Variants in SMAD2 observed in about 807,000 individuals in gnomAD.
SMAD2 encodes the protein MAD homolog 2.
In SMAD2, 8 loss-of-function variants were observed where a neutral mutation model predicts 64.4. The ratio of observed to expected loss-of-function variants is 0.12; its 90% confidence interval spans 0.07 to 0.22. The LOEUF (loss-of-function observed/expected upper bound fraction) is 0.22. SMAD2 is among the 10% of genes least tolerant of loss of function. The probability of loss-of-function intolerance (pLI) is 1.00; values close to 1 mark genes in which losing one functional copy is unlikely to be tolerated. For missense variants in SMAD2, 289 were observed against 561.2 expected, an observed-to-expected ratio of 0.51 and a Z score of 4.90; for synonymous variants, 203 against 195.8, an observed-to-expected ratio of 1.04 and a Z score of -0.31.
At chr18:47,862,993 AAAAAAAG>A in intron 6 of SMAD2, among the ~76,000 whole-genome samples, 1 of 152,272 alleles carries the variant, frequency 6.6e-6, no homozygotes, top group South Asian at 2.1e-4. Flanking sequence ...TAAATCAAAA[AAAAAAAG>A]AAAAAAGTAA....
At chr18:47,919,081 C>T (rs2034450748) in intron 1 of SMAD2, among the ~76,000 whole-genome samples, 1 of 151,776 alleles carries the variant, frequency 6.6e-6, no homozygotes, top group Admixed American at 6.6e-5. Context: ...CTTAAAGTTT[C>T]CAAGGAGGAA....
Position 47,834,771 on chromosome 18 carries a change from T to A in SMAD2, c.*7056A>T, listed in dbSNP as rs1913253984. 1 of 221,026 alleles carries A rather than the reference T, an allele frequency of 4.5e-6. No individual in the cohort carries two copies. The highest frequency in any genetic ancestry group is 5.8e-5 in the Admixed American group (1 of 17,306). The allele number at this position is 221,026 out of a possible 1,614,324, so 13.7% of individuals were successfully genotyped here. The stretch of plus-strand genomic sequence containing the variant: ...AAAGGTTCTTCTAGCTTTGTCCAGT[T>A]ATATGGTATTTTACTGTATTCTCTT... On this transcript the variant is annotated 3_prime_UTR_variant, in exon 11 of 11. Coordinates refer to ENST00000262160, the MANE Select transcript of SMAD2 (RefSeq NM_005901.6).
chr18:47,848,180 C>T (rs779516221), intron 8 of SMAD2, among the ~76,000 whole-genome samples: 2 of 152,116 alleles, frequency 1.3e-5, no homozygotes, highest in South Asian at 4.1e-4. Flanking sequence ...CAAATCTGAA[C>T]ATGGCAATTT....
At chr18:47,910,893 G>A (rs2034100565) in intron 1 of SMAD2, among the ~76,000 whole-genome samples, 1 of 151,972 alleles carries the variant, frequency 6.6e-6, no homozygotes, top group Admixed American at 6.6e-5. Flanking sequence ...CACTGTGCAG[G>A]ACAGCACCCC....
intron 1 of SMAD2, among the ~76,000 whole-genome samples, chr18:47,918,974 T>C (rs1363438800): frequency 1.3e-5 from 2 of 151,882 alleles, no homozygotes; most frequent in Non-Finnish European, 1.5e-5. Flanking sequence ...AGTTTCTAGA[T>C]GGAAAGGGCC....
chr18:47,847,390 A>C (rs895820155), intron 8 of SMAD2, among the ~76,000 whole-genome samples: 1 of 152,098 alleles, frequency 6.6e-6, no homozygotes, highest in African/African-American at 2.4e-5. Flanking sequence ...AAACAGAAGC[A>C]AACTACTGTT....
chr18:47,919,000 A>G (rs185835172), intron 1 of SMAD2, among the ~76,000 whole-genome samples: 81 of 152,276 alleles, frequency 5.3e-4, no homozygotes, highest in South Asian at 3.5e-3. Context: ...AGACCCCAGT[A>G]AAACAGATGA....
Position 47,921,679 on chromosome 18 carries a change from C to T in SMAD2, c.-54+8682G>A, listed in dbSNP as rs62088122. On this transcript the variant is annotated intron_variant, in intron 1 of 10. Coordinates refer to ENST00000262160, the MANE Select transcript of SMAD2 (RefSeq NM_005901.6). ...TTTTAAGCACACAGTTCCCACAGTT[C>T]TGTCTCCTTTCATTGAATGGCATTA... 3.4e-3 allele frequency among the ~76,000 whole-genome samples: 510 copies of T among 152,234 alleles called. 2 individuals are homozygous for T. Among genetic ancestry groups the T allele is most frequent in the Non-Finnish European group, 5.8e-3 (395 of 68,008 alleles).
At chr18:47,844,821 G>A (rs577891889) in intron 10 of SMAD2, 233 of 177,318 alleles carry the variant, frequency 1.3e-3, no homozygotes, top group African/African-American at 5.4e-3. Context: ...ACATTAGCAA[G>A]TATTCCTTCT....
At chr18:47,905,385 T>C (rs550157447) in intron 1 of SMAD2, among the ~76,000 whole-genome samples, 2 of 152,186 alleles carry the variant, frequency 1.3e-5, no homozygotes, top group East Asian at 1.9e-4. Flanking sequence ...ATTTGATATA[T>C]GGATTCAATG....
intron 2 of SMAD2, among the ~76,000 whole-genome samples, chr18:47,883,385 T>C (rs941671448): frequency 3.3e-5 from 5 of 152,238 alleles, no homozygotes; most frequent in Admixed American, 1.3e-4. Context: ...TTAAAATTGA[T>C]TGAGACTTGT....
At chr18:47,877,838 AAAAG>A (rs1438296907) in intron 2 of SMAD2, among the ~76,000 whole-genome samples, 2 of 152,214 alleles carry the variant, frequency 1.3e-5, no homozygotes, top group African/African-American at 2.4e-5. Flanking sequence ...TTGAAAATAT[AAAAG>A]AAATATATTA....
Position 47,815,445 on chromosome 18 carries a change from A to C in SMAD2, c.*26382T>G, listed in dbSNP as rs570195100. On this transcript the variant is annotated 3_prime_UTR_variant, in exon 11 of 11. Transcript: ENST00000262160. ...AGCAGAGGTTTAAGTCCTGGCTGAT[A>C]ATCATTTTGGGTTTTCTGAAAATGC... The C allele has an allele frequency of 1.3e-5, 2 of 152,330 alleles. 1 individual carries two copies. The highest frequency in any genetic ancestry group is 4.1e-4 in the South Asian group (2 of 4,824). 9.4% of individuals were successfully genotyped at this position (152,330 alleles called of 1,614,324 possible).
chr18:47,925,416 C>G (rs567378158), intron 1 of SMAD2, among the ~76,000 whole-genome samples: 2 of 152,314 alleles, frequency 1.3e-5, no homozygotes, highest in South Asian at 4.1e-4. Flanking sequence ...TCACACTGTA[C>G]AATGTGAGGC....
chr18:47,842,888 G>A (rs546323527), intron 10 of SMAD2, among the ~76,000 whole-genome samples: 2 of 152,270 alleles, frequency 1.3e-5, no homozygotes, highest in East Asian at 3.9e-4. Flanking sequence ...TCCATGCGCT[G>A]ATTTTAGTTC....
Position 47,821,523 on chromosome 18 carries a change from AACAT to A in SMAD2, c.*20300_*20303del, listed in dbSNP as rs1227761223. ...TTTCCAAGAGCCATGTATTCTGTTC[AACAT>A]ACTAGCTTTCTTATTTACATTCCTC... On this transcript the variant is annotated 3_prime_UTR_variant, in exon 11 of 11. Transcript: ENST00000262160. 6.6e-6 allele frequency: 1 copy of A among 152,240 alleles called. No individual in the cohort carries two copies. 9.4% of individuals were successfully genotyped at this position (152,240 alleles called of 1,614,324 possible). A position where few individuals can be genotyped will look rare whatever the true frequency, so the allele number is the denominator to read the frequency against.
chr18:47,818,465 CAAT>C lies in SMAD2; in HGVS notation c.*23359_*23361del, dbSNP rs1345676407. 6.6e-6 allele frequency: 1 copy of C among 152,056 alleles called. No homozygotes were observed. Among genetic ancestry groups the C allele is most frequent in the African/African-American group, 2.4e-5 (1 of 41,396 alleles). 9.4% of individuals were successfully genotyped at this position (152,056 alleles called of 1,614,324 possible). ...ACAGGTCAAAATCTTGAGCTCAGGGCAATAATATAAGGTATCTCTGGTATAGCA... is the reference window on the plus strand; with the variant it reads ...ACAGGTCAAAATCTTGAGCTCAGGGCAATATAAGGTATCTCTGGTATAGCA... On this transcript the variant is annotated 3_prime_UTR_variant, in exon 11 of 11. Transcript: ENST00000262160.
chr18:47,888,094 A>T lies in SMAD2; in HGVS notation c.236+8427T>A, dbSNP rs1466057757. On this transcript the variant is annotated intron_variant, in intron 2 of 10. Transcript: ENST00000262160. ...TTGGGGTAAATACCAGATTTGGTAA[A>T]TACCAGAACATTTCCTATTATAACA... Among the ~76,000 whole-genome samples the T allele has an allele frequency of 3.3e-5, 5 of 152,184 alleles. 1 individual carries two copies. Among genetic ancestry groups the T allele is most frequent in the Non-Finnish European group, 7.3e-5 (5 of 68,032 alleles).
intron 10 of SMAD2, among the ~76,000 whole-genome samples, chr18:47,842,446 A>C (rs529679651): frequency 6.6e-6 from 1 of 152,084 alleles, no homozygotes; most frequent in Non-Finnish European, 1.5e-5. Flanking sequence ...AGGCTGAGAC[A>C]GGAGAGTCAC....
Sources: allele counts gnomAD v4.1 joint callset (sites outside exome capture counted in the v4.1 genomes callset), GRCh38; gene constraint gnomAD v4.1.1; transcripts MANE v1.5; gene names NCBI Gene and HGNC (gene_info 2026-07-23, HGNC 2026-07-21).